Variants in PDPN observed in about 807,000 individuals in gnomAD.
PDPN encodes the protein podoplanin.
Under a neutral mutation model 23.2 loss-of-function variants are expected in PDPN, and 12 were observed. The observed-to-expected ratio is 0.52, with a 90% CI of 0.33 to 0.84. PDPN has a LOEUF of 0.84. PDPN is among the 40% of genes least tolerant of loss of function. The probability of loss-of-function intolerance (pLI) is 0.02; values close to 1 mark genes in which losing one functional copy is unlikely to be tolerated. For synonymous variants in PDPN, 77 were observed against 76.7 expected, an observed-to-expected ratio of 1.00 and a Z score of -0.02; for missense variants, 199 against 212.2, an observed-to-expected ratio of 0.94 and a Z score of 0.39.
At chr1:13,589,662 C>T (rs1408220405) in intron 1 of PDPN, among the ~76,000 whole-genome samples, 1 of 152,120 alleles carries the variant, frequency 6.6e-6, no homozygotes, top group Non-Finnish European at 1.5e-5. Flanking sequence ...TGAGACTGAA[C>T]CCAGGCTGCT....
In PDPN at chr1:13,607,225, C is replaced by T. The variant is rs759482997; in HGVS notation, c.120C>T (p.Gly40=). Residue 40 remains glycine (G), a synonymous_variant, in exon 2 of 6, where the codon GGC becomes GGT. Transcript: ENST00000621990. ...DDTETTGLEG[G]VAMPGAEDDV... is the part of the protein sequence containing the mutation. ...CTGAGACTACAGGTTTGGAAGGCGG[C>T]GTTGCCATGCCAGGTGCCGAAGATG... 1.9e-5 allele frequency: 30 copies of T among 1,613,762 alleles called. No individual in the cohort carries two copies. Among genetic ancestry groups the T allele is most frequent in the East Asian group, 8.9e-5 (4 of 44,876 alleles).
chr1:13,590,003 C>T (rs529352657), intron 1 of PDPN, among the ~76,000 whole-genome samples: 9 of 152,226 alleles, frequency 5.9e-5, no homozygotes, highest in East Asian at 3.9e-4. Context: ...AATTTTTCTA[C>T]GTTTGGTAGA....
intron 1 of PDPN, among the ~76,000 whole-genome samples, chr1:13,589,689 A>G (rs12075203): frequency 0.38 from 58,223 of 152,008 alleles, 12,124 homozygotes; most frequent in African/African-American, 0.56. Context: ...TAGAGCCCAC[A>G]CCCCTAACCA....
At chr1:13,608,058 T>G (rs989333809) in intron 2 of PDPN, among the ~76,000 whole-genome samples, 1 of 152,072 alleles carries the variant, frequency 6.6e-6, no homozygotes, top group Non-Finnish European at 1.5e-5. Context: ...TGAGCCGAGA[T>G]CGCACCACTG....
intron 3 of PDPN, among the ~76,000 whole-genome samples, chr1:13,611,044 AC>A (rs200023929): frequency 0.027 from 4,049 of 151,926 alleles, 82 homozygotes; most frequent in Non-Finnish European, 0.041. Flanking sequence ...ACACGGTGAA[AC>A]CCCGTCTCTA....
chr1:13,592,360 G>A (rs975919115), intron 1 of PDPN, among the ~76,000 whole-genome samples: 5 of 152,078 alleles, frequency 3.3e-5, no homozygotes, highest in East Asian at 3.9e-4. Flanking sequence ...TACTGTTGGC[G>A]TCATCTAGGA....
chr1:13,592,792 C>T (rs549965397), intron 1 of PDPN, among the ~76,000 whole-genome samples: 1 of 152,098 alleles, frequency 6.6e-6, no homozygotes, highest in Admixed American at 6.5e-5. Flanking sequence ...TCAGGTGATT[C>T]GTCCGCCTCT....
intron 2 of PDPN, among the ~76,000 whole-genome samples, chr1:13,607,684 G>T (rs1311409150): frequency 6.6e-6 from 1 of 152,196 alleles, no homozygotes; most frequent in Non-Finnish European, 1.5e-5. Context: ...GAGAGTAGAA[G>T]CCAGAGCTTC....
chr1:13,615,882 G>GT, intron 5 of PDPN, 23 bp from the exon 6 acceptor site: 1 of 1,610,530 alleles, frequency 6.2e-7, no homozygotes, highest in Non-Finnish European at 8.5e-7. Flanking sequence ...AGACACGACC[G>GT]TCACCCTTCT....
At chr1:13,593,406 T>A (rs187832145) in intron 1 of PDPN, among the ~76,000 whole-genome samples, 19 of 152,296 alleles carry the variant, frequency 1.2e-4, no homozygotes, top group African/African-American at 4.1e-4. Flanking sequence ...TGAAGTTTGC[T>A]GCTTGAATTT....
intron 1 of PDPN, among the ~76,000 whole-genome samples, chr1:13,588,120 C>T (rs760372461): frequency 1.5e-5 from 2 of 136,198 alleles, no homozygotes; most frequent in Admixed American, 7.4e-5. Flanking sequence ...TTCATGAACC[C>T]GCCCCCCCAA....
chr1:13,607,433 A>G (rs943623879), intron 2 of PDPN, 127 bp downstream of exon 2: 2 of 591,920 alleles, frequency 3.4e-6, no homozygotes, highest in Non-Finnish European at 2.6e-6. Context: ...CCACCATACC[A>G]AGGAATAGTT....
rs1379909067 is a variant in PDPN at position 13,586,902 on chromosome 1, A to G, written c.67+2802A>G. Reference sequence around the variant, plus strand: ...CCCCGTCTCTACTAAAAATACAAAAATTAGTTGGGCATGGTGGTGCGCGCC... The same window carrying G: ...CCCCGTCTCTACTAAAAATACAAAAGTTAGTTGGGCATGGTGGTGCGCGCC... On this transcript the variant is annotated intron_variant, in intron 1 of 5. Transcript: ENST00000621990. Among the ~76,000 whole-genome samples the G allele has an allele frequency of 2.0e-5, 3 of 152,236 alleles. No individual in the cohort carries two copies. In the South Asian group the frequency reaches 6.2e-4, roughly 32 times the overall value.
intron 1 of PDPN, among the ~76,000 whole-genome samples, chr1:13,600,966 T>A (rs1042002416): frequency 3.3e-5 from 5 of 152,096 alleles, no homozygotes; most frequent in African/African-American, 1.2e-4. Context: ...TGAAATAAAG[T>A]CAGCTGGGAG....
rs576610417 is a variant in PDPN at position 13,617,533 on chromosome 1, C to G, written c.*1622C>G. 6.6e-6 allele frequency: 1 copy of G among 152,132 alleles called. No individual in the cohort carries two copies. Among genetic ancestry groups the G allele is most frequent in the Non-Finnish European group, 1.5e-5 (1 of 68,048 alleles). 9.4% of individuals were successfully genotyped at this position (152,132 alleles called of 1,614,324 possible). On this transcript the variant is annotated 3_prime_UTR_variant, in exon 6 of 6. Coordinates refer to ENST00000621990, the MANE Select transcript of PDPN (RefSeq NM_006474.5). Reference sequence around the variant, plus strand: ...GACTACAGGTTCCTACCACCACACCCGGCCAATTTTTGTATTTTTAGTAGA... The same window carrying G: ...GACTACAGGTTCCTACCACCACACCGGGCCAATTTTTGTATTTTTAGTAGA...
At chr1:13,591,981 C>G (rs1004926567) in intron 1 of PDPN, among the ~76,000 whole-genome samples, 2 of 152,194 alleles carry the variant, frequency 1.3e-5, no homozygotes, top group African/African-American at 4.8e-5. Flanking sequence ...TTCTCTTTCT[C>G]TGTGTGTGTG....
intron 3 of PDPN, among the ~76,000 whole-genome samples, chr1:13,613,444 C>T (rs1009640303): frequency 3.3e-5 from 5 of 151,950 alleles, no homozygotes; most frequent in African/African-American, 4.8e-5. Context: ...AAAATTAATA[C>T]GTAGAAAAGT....
At chr1:13,585,396 G>C in intron 1 of PDPN, 1 of 932,732 alleles carries the variant, frequency 1.1e-6, no homozygotes, top group Non-Finnish European at 1.4e-6. Flanking sequence ...ATTCGTAGCA[G>C]TCCTATCTTT....
At chr1:13,589,794 T>TA (rs1316872924) in intron 1 of PDPN, among the ~76,000 whole-genome samples, 2 of 152,014 alleles carry the variant, frequency 1.3e-5, no homozygotes, top group African/African-American at 4.8e-5. Flanking sequence ...AAGTACTTCT[T>TA]ACCTTACGGC....
Sources: gnomAD v4.1 joint callset for allele counts (sites outside exome capture counted in the v4.1 genomes callset) on GRCh38, gnomAD v4.1.1 for gene constraint, MANE v1.5 for transcripts, NCBI Gene and HGNC (gene_info 2026-07-23, HGNC 2026-07-21) for gene names.